The following PTPA variants were observed in gnomAD, a reference collection of about 807,000 sequenced individuals.
PTPA encodes protein phosphatase 2 phosphatase activator.
PTPA carries 13 observed loss-of-function variants against 43.6 expected under a neutral mutation model. The observed-to-expected ratio is 0.30, with a 90% CI of 0.19 to 0.47. The LOEUF (loss-of-function observed/expected upper bound fraction) is 0.47. Among genes scored for constraint, PTPA ranks in the 20% least tolerant of loss-of-function variants. The pLI is 0.99. For missense variants in PTPA, 329 were observed against 411.9 expected (o/e 0.80, Z 1.74); for synonymous variants, 172 against 158.2 (o/e 1.09, Z -0.66).
chr9:129,145,148 C>T (rs896470660), intron 9 of PTPA, among the ~76,000 whole-genome samples: 3 of 152,050 alleles, frequency 2.0e-5, no homozygotes, highest in East Asian at 1.9e-4. Context: ...CTGGCCAACA[C>T]GGTGAAACAC....
At chr9:129,122,403 C>T (rs1248481251) in intron 2 of PTPA, among the ~76,000 whole-genome samples, 2 of 152,198 alleles carry the variant, frequency 1.3e-5, no homozygotes, top group Non-Finnish European at 2.9e-5. Flanking sequence ...ATACCTGACC[C>T]TCAGTGCTTT....
rs17486541 is a variant in PTPA, at chr9:129,146,404, G to A, written c.895-983G>A. On this transcript the variant is annotated intron_variant, in intron 9 of 9. Coordinates refer to ENST00000393370, the MANE Select transcript of PTPA (RefSeq NM_178000.3). ...TTCCACAGCTGATTTTTGAGGAGAG[G>A]GAACCTGGGCCAGTCATAGCACCCG... 3.2e-3 allele frequency among the ~76,000 whole-genome samples: 492 copies of A among 152,312 alleles called. 6 individuals carry two copies. Among genetic ancestry groups the A allele is most frequent in the African/African-American group, 0.012 (479 of 41,552 alleles).
intron 9 of PTPA, among the ~76,000 whole-genome samples, chr9:129,145,562 A>C (rs2131635101): frequency 6.6e-6 from 1 of 152,236 alleles, no homozygotes; most frequent in Non-Finnish European, 1.5e-5. Flanking sequence ...CTGGGTCTCC[A>C]GTCAGAACTG....
intron 3 of PTPA, among the ~76,000 whole-genome samples, chr9:129,126,053 CAGG>C (rs1448488014): frequency 6.6e-6 from 1 of 151,876 alleles, no homozygotes; most frequent in Admixed American, 6.6e-5. Context: ...GAGGTGGAGT[CAGG>C]AGAATCCTTT....
intron 9 of PTPA, among the ~76,000 whole-genome samples, chr9:129,146,610 A>T (rs1851318849): frequency 6.6e-6 from 1 of 152,226 alleles, no homozygotes; most frequent in African/African-American, 2.4e-5. Context: ...TCGCATGCCC[A>T]GAACGGCTCC....
upstream of PTPA, chr9:129,111,202 G>C: frequency 8.9e-7 from 1 of 1,118,132 alleles, no homozygotes; most frequent in Non-Finnish European, 1.1e-6. Flanking sequence ...AGACTGTCCC[G>C]GAAAAACATG....
chr9:129,141,265 C>G (rs1850801041), intron 8 of PTPA, among the ~76,000 whole-genome samples: 1 of 152,084 alleles, frequency 6.6e-6, no homozygotes, highest in Admixed American at 6.5e-5. Context: ...GTGGGGGCTC[C>G]TGAGGGCTCT....
At chr9:129,143,781 G>T in intron 9 of PTPA, 3 of 222,438 alleles carry the variant, frequency 1.3e-5, no homozygotes, top group Non-Finnish European at 1.9e-5. Context: ...CCTTCCGGCT[G>T]CAGCTGGCCA....
chr9:129,121,102 G>C (rs1324850949), intron 2 of PTPA, among the ~76,000 whole-genome samples: 2 of 152,226 alleles, frequency 1.3e-5, no homozygotes, highest in South Asian at 2.1e-4. Context: ...CAGCTGAAAT[G>C]ATGGGCAGAA....
rs549173512 is a variant in PTPA, at chr9:129,121,715, A to G, written c.129+1105A>G. Among the ~76,000 whole-genome samples the G allele has an allele frequency of 4.6e-5, 7 of 152,346 alleles. No individual in the cohort carries two copies. The South Asian group carries it at 1.2e-3, about 27-fold the overall frequency. ...AGCTGTCACAACTAACATTGTCTCC[A>G]GATCTTGTCAGATCTTCTCTGAGCC... On this transcript the variant is annotated intron_variant, in intron 2 of 9. Coordinates refer to ENST00000393370, the MANE Select transcript of PTPA (RefSeq NM_178000.3).
At chr9:129,142,294 G>C (rs1019386455) in intron 8 of PTPA, 151 bp from the exon 9 acceptor site, 3 of 641,174 alleles carry the variant, frequency 4.7e-6, no homozygotes, top group Non-Finnish European at 7.6e-6. Context: ...AGATGCTATA[G>C]CTTGGTCCCC....
At chr9:129,112,477 C>T (rs1848593919) in intron 1 of PTPA, among the ~76,000 whole-genome samples, 1 of 152,154 alleles carries the variant, frequency 6.6e-6, no homozygotes, top group South Asian at 2.1e-4. Context: ...ATCCTGTCTC[C>T]AATGTTGGGG....
At position 129,137,665 on chromosome 9, in the gene PTPA, C is replaced by T; in HGVS notation, c.759C>T (p.Phe253=). Residue 253 remains phenylalanine (F), a synonymous_variant, in exon 8 of 10, where the codon TTC becomes TTT. Coordinates refer to ENST00000393370, the MANE Select transcript of PTPA (RefSeq NM_178000.3). ...ATGAGAACCACAAGGACTACATGTT[C>T]CTGGAGTGTATCCTGTTTATTACCG... is the stretch of plus-strand genomic sequence containing the variant. ...AVNENHKDYM[F]LECILFITEM... is the part of the protein sequence containing the mutation. 6 of 1,610,816 alleles carry T rather than the reference C, an allele frequency of 3.7e-6. No individual in the cohort carries two copies. Among genetic ancestry groups the T allele is most frequent in the Non-Finnish European group, 5.1e-6 (6 of 1,178,098 alleles).
chr9:129,111,388 A>G, upstream of PTPA: 3 of 1,206,334 alleles, frequency 2.5e-6, no homozygotes, highest in Non-Finnish European at 2.1e-6. Context: ...GCCGGCCGTT[A>G]ATAGGCTTGC....
Position 129,131,545 on chromosome 9 carries a change from A to T in PTPA, c.366A>T (p.Thr122=), listed in dbSNP as rs760295605. The T allele has an allele frequency of 1.3e-5, 21 of 1,613,802 alleles. No individual in the cohort carries two copies. The highest frequency in any genetic ancestry group is 1.7e-6 in the Non-Finnish European group (2 of 1,180,044). Residue 122 remains threonine, a synonymous_variant, in exon 5 of 10, where the codon ACA becomes ACT. Coordinates refer to ENST00000393370, the MANE Select transcript of PTPA (RefSeq NM_178000.3). ...AGGAAGCAGAAAACTTGGTGGCCACAGTGGTCCCTACCCATCTGGCAGCTG... is the reference window on the plus strand; with the variant it reads ...AGGAAGCAGAAAACTTGGTGGCCACTGTGGTCCCTACCCATCTGGCAGCTG... ...LDEEAENLVA[T]VVPTHLAAAV... is the part of the protein sequence containing the mutation.
At chr9:129,143,552 G>T in intron 9 of PTPA, 1 of 666,682 alleles carries the variant, frequency 1.5e-6, no homozygotes, top group Non-Finnish European at 2.7e-6. Context: ...GGCCAGCGGG[G>T]TGGGGGAGCA....
chr9:129,143,234 T>G, intron 9 of PTPA: 4 of 676,796 alleles, frequency 5.9e-6, no homozygotes, highest in Middle Eastern at 2.5e-4. Context: ...ATTTTATTTC[T>G]ACTCTGTCCC....
intron 8 of PTPA, chr9:129,137,933 G>A: frequency 1.9e-6 from 1 of 519,856 alleles, no homozygotes; most frequent in Non-Finnish European, 3.6e-6. Context: ...GTCTTGAGAT[G>A]AGGGTCTAAG....
intron 7 of PTPA, among the ~76,000 whole-genome samples, chr9:129,137,034 G>A (rs894509091): frequency 1.3e-5 from 2 of 152,218 alleles, no homozygotes; most frequent in Non-Finnish European, 2.9e-5. Context: ...AGTGCTGGGT[G>A]GTGGGCCTGC....
Sources: allele counts gnomAD v4.1 joint callset (sites outside exome capture counted in the v4.1 genomes callset), GRCh38; gene constraint gnomAD v4.1.1; transcripts MANE v1.5; gene names NCBI Gene and HGNC (gene_info 2026-07-23, HGNC 2026-07-21).